DOK6: variants seen among roughly 807,000 people sequenced by gnomAD.
DOK6 encodes docking protein 6, also known as downstream of tyrosine kinase 6.
Under a neutral mutation model 44.0 loss-of-function variants are expected in DOK6, and 22 were observed. The observed-to-expected ratio is 0.50, with a 90% CI of 0.36 to 0.71. The LOEUF (loss-of-function observed/expected upper bound fraction) is 0.71, where lower values mean the gene tolerates loss of function less well. DOK6 is among the 30% of genes least tolerant of loss of function. The pLI, the probability that DOK6 is intolerant of heterozygous loss-of-function variation, is 0.00. For synonymous variants in DOK6, 166 were observed against 145.5 expected, an observed-to-expected ratio of 1.14 and a Z score of -1.01; for missense variants, 340 against 416.4, an observed-to-expected ratio of 0.82 and a Z score of 1.60.
chr18:69,743,641 G>A (rs963955584), intron 6 of DOK6, among the ~76,000 whole-genome samples: 1 of 151,976 alleles, frequency 6.6e-6, no homozygotes, highest in Non-Finnish European at 1.5e-5. Context: ...CACATGTAAA[G>A]AGCAGTTGAG....
intron 3 of DOK6, among the ~76,000 whole-genome samples, chr18:69,621,401 C>G (rs1193034799): frequency 1.3e-5 from 2 of 152,138 alleles, no homozygotes; most frequent in East Asian, 3.8e-4. Context: ...CCTTTCTCAT[C>G]TCATTACTTG....
intron 3 of DOK6, among the ~76,000 whole-genome samples, chr18:69,618,881 A>G (rs955210628): frequency 1.2e-4 from 18 of 152,184 alleles, no homozygotes; most frequent in Non-Finnish European, 1.5e-4. Flanking sequence ...ATTTCTTTTT[A>G]AATAAAAATA....
chr18:69,586,181 C>T (rs1983495446), intron 2 of DOK6, among the ~76,000 whole-genome samples: 1 of 152,166 alleles, frequency 6.6e-6, no homozygotes, highest in South Asian at 2.1e-4. Context: ...GAAACCACAA[C>T]TAGCAGAATG....
intron 1 of DOK6, among the ~76,000 whole-genome samples, chr18:69,553,722 C>T (rs536934067): frequency 8.5e-5 from 13 of 152,342 alleles, no homozygotes; most frequent in African/African-American, 3.1e-4. Flanking sequence ...CAACCACTTA[C>T]ATACTCACTC....
intron 5 of DOK6, among the ~76,000 whole-genome samples, chr18:69,736,628 G>A (rs1978617001): frequency 6.6e-6 from 1 of 152,174 alleles, no homozygotes; most frequent in South Asian, 2.1e-4. Flanking sequence ...CATCTTGTTG[G>A]CAAGGGAATT....
intron 3 of DOK6, among the ~76,000 whole-genome samples, chr18:69,617,636 G>C (rs1247565742): frequency 6.9e-6 from 1 of 145,202 alleles, no homozygotes; most frequent in African/African-American, 2.5e-5. Flanking sequence ...AGGGAGGGAG[G>C]AAGGAAGGAA....
At chr18:69,776,427 A>G (rs965452710) in intron 7 of DOK6, among the ~76,000 whole-genome samples, 46 of 152,054 alleles carry the variant, frequency 3.0e-4, no homozygotes, top group African/African-American at 1.1e-3. Context: ...AGACAACACA[A>G]TAAGGGAACT....
In DOK6 at chr18:69,757,732, A is replaced by T. The variant is rs576913948; in HGVS notation, c.739-24A>T. ...AGTTTAATATTTTAAAACGAGGCCT[A>T]AAACACATTCTTTTCTCTTTTAGCT... On this transcript the variant is annotated intron_variant, in intron 6 of 7. Coordinates refer to ENST00000382713, the MANE Select transcript of DOK6 (RefSeq NM_152721.6). The T allele has an allele frequency of 1.9e-6, 3 of 1,602,182 alleles. No homozygotes were observed. The South Asian group carries it at 3.3e-5, about 18-fold the overall frequency.
intron 3 of DOK6, among the ~76,000 whole-genome samples, chr18:69,617,739 AGGG>A (rs1984344979): frequency 2.0e-5 from 1 of 51,196 alleles, no homozygotes; most frequent in African/African-American, 4.9e-5. Context: ...AGGGGGAAGG[AGGG>A]AAGGAAGGAA....
At chr18:69,673,308 C>T (rs1039794510) in intron 3 of DOK6, among the ~76,000 whole-genome samples, 4 of 152,012 alleles carry the variant, frequency 2.6e-5, no homozygotes, top group African/African-American at 9.7e-5. Context: ...ACTTTAATGT[C>T]ATTATCTTAA....
chr18:69,475,426 T>C lies in DOK6; in HGVS notation c.66+74116T>C, dbSNP rs566482322. Among the ~76,000 whole-genome samples, 5 of 152,280 alleles carry C rather than the reference T, an allele frequency of 3.3e-5. No homozygotes were observed. In the South Asian group the frequency reaches 8.3e-4, roughly 25 times the overall value. ...AATGAGACTGAAAAAATCAAGAAAT[T>C]TGACATTAGAAGTATGAAACAAAGA... On this transcript the variant is annotated intron_variant, in intron 1 of 7. Coordinates refer to ENST00000382713, the MANE Select transcript of DOK6 (RefSeq NM_152721.6).
intron 7 of DOK6, among the ~76,000 whole-genome samples, chr18:69,804,139 A>G (rs1336956050): frequency 6.6e-6 from 1 of 152,148 alleles, no homozygotes; most frequent in Admixed American, 6.5e-5. Context: ...AAAGAGAAAA[A>G]TGACCTGGGG....
chr18:69,554,769 C>T (rs1982647020), intron 1 of DOK6, among the ~76,000 whole-genome samples: 1 of 152,162 alleles, frequency 6.6e-6, no homozygotes, highest in Non-Finnish European at 1.5e-5. Context: ...ACTTCCATTG[C>T]TCCATATCCT....
chr18:69,585,641 TA>T (rs1983481575), intron 2 of DOK6, among the ~76,000 whole-genome samples: 1 of 152,196 alleles, frequency 6.6e-6, no homozygotes, highest in South Asian at 2.1e-4. Flanking sequence ...CACTGGACAG[TA>T]TAATTTACTG....
chr18:69,478,905 T>C (rs1174622811), intron 1 of DOK6, among the ~76,000 whole-genome samples: 2 of 152,232 alleles, frequency 1.3e-5, no homozygotes, highest in East Asian at 1.9e-4. Context: ...TTAAATTTAG[T>C]ACAGGTTTTC....
intron 1 of DOK6, among the ~76,000 whole-genome samples, chr18:69,456,052 G>T (rs1013902462): frequency 1.2e-4 from 18 of 152,196 alleles, no homozygotes; most frequent in African/African-American, 4.3e-4. Context: ...ATCTGTTTCT[G>T]CCATATAGAA....
chr18:69,567,742 C>T (rs912550470), intron 2 of DOK6, among the ~76,000 whole-genome samples: 10 of 152,186 alleles, frequency 6.6e-5, no homozygotes, highest in African/African-American at 2.4e-4. Context: ...GTTCAAGCCC[C>T]AGCTGAGGTC....
chr18:69,607,434 T>A (rs1984029305), intron 3 of DOK6, among the ~76,000 whole-genome samples: 1 of 152,150 alleles, frequency 6.6e-6, no homozygotes, highest in African/African-American at 2.4e-5. Flanking sequence ...CGAGAGCGAT[T>A]TAATTACTAT....
At chr18:69,685,338 G>A (rs1178028058) in intron 4 of DOK6, among the ~76,000 whole-genome samples, 2 of 152,080 alleles carry the variant, frequency 1.3e-5, no homozygotes, top group Non-Finnish European at 2.9e-5. Flanking sequence ...TTCTATTCTA[G>A]TTTTTACATG....
Sources: gnomAD v4.1 joint callset for allele counts (sites outside exome capture counted in the v4.1 genomes callset) on GRCh38, gnomAD v4.1.1 for gene constraint, MANE v1.5 for transcripts, NCBI Gene and HGNC (gene_info 2026-07-23, HGNC 2026-07-21) for gene names.